The following ETV6 variants were observed in gnomAD, a reference collection of about 807,000 sequenced individuals.
ETV6 encodes the protein transcription factor ETV6.
A neutral mutation model predicts 51.1 loss-of-function variants in ETV6; 16 were observed. The ratio of observed to expected loss-of-function variants is 0.31; its 90% CI spans 0.21 to 0.48. ETV6 has a LOEUF of 0.48. Ranked by LOEUF, ETV6 falls within the 20% of genes least tolerant of loss-of-function variation. The probability of loss-of-function intolerance (pLI) is 0.99; values close to 1 mark genes in which losing one functional copy is unlikely to be tolerated. For missense variants in ETV6, 458 were observed against 594.8 expected, an observed-to-expected ratio of 0.77 and a Z score of 2.39; for synonymous variants, 240 against 224.1, an observed-to-expected ratio of 1.07 and a Z score of -0.64.
intron 4 of ETV6, among the ~76,000 whole-genome samples, chr12:11,858,676 G>A (rs1946668001): frequency 6.6e-6 from 1 of 152,172 alleles, no homozygotes; most frequent in Admixed American, 6.5e-5. Context: ...CCATCAAAGA[G>A]ATTATGGGGC....
At chr12:11,719,855 T>C (rs1031270074) in intron 1 of ETV6, among the ~76,000 whole-genome samples, 8 of 152,224 alleles carry the variant, frequency 5.3e-5, no homozygotes, top group African/African-American at 1.9e-4. Context: ...TTTCAGCCAC[T>C]TCCCTCACTG....
intron 1 of ETV6, among the ~76,000 whole-genome samples, chr12:11,704,742 T>C (rs1865041519): frequency 6.6e-6 from 1 of 152,172 alleles, no homozygotes; most frequent in Admixed American, 6.5e-5. Flanking sequence ...AATGGGTTGC[T>C]ATAGTGAGGT....
At chr12:11,794,970 C>T (rs955447063) in intron 2 of ETV6, among the ~76,000 whole-genome samples, 2 of 152,242 alleles carry the variant, frequency 1.3e-5, no homozygotes, top group Non-Finnish European at 2.9e-5. Flanking sequence ...TTGAACTGAC[C>T]GTAACAGCCT....
chr12:11,823,469 CT>C (rs756553588), intron 2 of ETV6, among the ~76,000 whole-genome samples: 26,831 of 137,242 alleles, frequency 0.2, 2,340 homozygotes, highest in Middle Eastern at 0.31. Flanking sequence ...TCCTTTTTTT[CT>C]TTTTTTTTTT....
At chr12:11,867,203 C>T (rs538254682) in intron 4 of ETV6, among the ~76,000 whole-genome samples, 13 of 152,262 alleles carry the variant, frequency 8.5e-5, no homozygotes, top group South Asian at 4.1e-4. Context: ...TAGTTTGGTA[C>T]ACGCCACTCT....
intron 1 of ETV6, among the ~76,000 whole-genome samples, chr12:11,672,009 A>G (rs1203175733): frequency 6.9e-6 from 1 of 145,216 alleles, no homozygotes; most frequent in Non-Finnish European, 1.5e-5. Flanking sequence ...TTTTTTTTTT[A>G]AGCTGAAAAT....
In ETV6 at chr12:11,893,469, A is replaced by C. The variant is rs1031710652; in HGVS notation, c.*2423A>C. ...TAGACTTAGGATGATACCTTCAGCC[A>C]CTTGAAGAAGAAATAGAAGGCGCTC... On this transcript the variant is annotated 3_prime_UTR_variant, in exon 8 of 8. Coordinates refer to ENST00000396373, the MANE Select transcript of ETV6 (RefSeq NM_001987.5). The C allele has an allele frequency of 4.3e-6, 1 of 231,766 alleles. No homozygotes were observed. Among genetic ancestry groups the C allele is most frequent in the Non-Finnish European group, 8.5e-6 (1 of 117,186 alleles). The allele number at this position is 231,766 out of a possible 1,614,324, so 14.4% of individuals were successfully genotyped here. A position where few individuals can be genotyped will look rare whatever the true frequency, so the allele number is the denominator to read the frequency against.
intron 2 of ETV6, among the ~76,000 whole-genome samples, chr12:11,794,839 A>G (rs1268334111): frequency 6.6e-6 from 1 of 152,150 alleles, no homozygotes; most frequent in Non-Finnish European, 1.5e-5. Flanking sequence ...GCATACATTT[A>G]TTTGTTTTCT....
intron 4 of ETV6, among the ~76,000 whole-genome samples, chr12:11,859,465 T>G (rs1369043846): frequency 6.6e-6 from 1 of 152,096 alleles, no homozygotes; most frequent in Non-Finnish European, 1.5e-5. Context: ...AATAACAAAA[T>G]AATAGCTAAC....
intron 1 of ETV6, among the ~76,000 whole-genome samples, chr12:11,743,208 T>C (rs964456789): frequency 5.3e-5 from 8 of 152,252 alleles, no homozygotes; most frequent in African/African-American, 1.9e-4. Context: ...TCATTTCTTT[T>C]ACGTTGCTTT....
At chr12:11,849,500 G>A (rs11054473) in intron 3 of ETV6, among the ~76,000 whole-genome samples, 9 of 152,164 alleles carry the variant, frequency 5.9e-5, no homozygotes, top group South Asian at 2.1e-4. Context: ...GCTGGGTGTC[G>A]AGGAATGAAG....
chr12:11,650,234 C>T, intron 1 of ETV6, 74 bp downstream of exon 1: 2 of 1,306,216 alleles, frequency 1.5e-6, no homozygotes, highest in Non-Finnish European at 2.2e-6. Context: ...GTGCTGGGCT[C>T]CTCAGAGCAG....
intron 1 of ETV6, among the ~76,000 whole-genome samples, chr12:11,736,557 G>T (rs1305127068): frequency 6.6e-6 from 1 of 152,184 alleles, no homozygotes; most frequent in Admixed American, 6.5e-5. Context: ...TTGAGGAATG[G>T]TGCTGCTTTT....
chr12:11,874,163 G>C (rs1946925555), intron 5 of ETV6, among the ~76,000 whole-genome samples: 1 of 131,878 alleles, frequency 7.6e-6, no homozygotes, highest in Non-Finnish European at 1.6e-5. Flanking sequence ...ATCACCTGAG[G>C]TCAGGATTTC....
intron 1 of ETV6, among the ~76,000 whole-genome samples, chr12:11,669,749 T>C (rs1245850432): frequency 2.6e-5 from 4 of 152,214 alleles, no homozygotes; most frequent in African/African-American, 9.7e-5. Flanking sequence ...CTCTTTTTCT[T>C]TATTAATATA....
chr12:11,704,737 G>C (rs868411950), intron 1 of ETV6, among the ~76,000 whole-genome samples: 1 of 152,070 alleles, frequency 6.6e-6, no homozygotes, highest in African/African-American at 2.4e-5. Context: ...AATAGAATGG[G>C]TTGCTATAGT....
intron 7 of ETV6, among the ~76,000 whole-genome samples, chr12:11,886,373 C>T (rs573438373): frequency 2.0e-5 from 3 of 152,104 alleles, no homozygotes; most frequent in South Asian, 2.1e-4. Context: ...AGGTTACCAT[C>T]GCTGTAAGGC....
chr12:11,699,639 T>C (rs2120830911), intron 1 of ETV6, among the ~76,000 whole-genome samples: 1 of 152,294 alleles, frequency 6.6e-6, no homozygotes, highest in African/African-American at 2.4e-5. Context: ...TTGTTGATTA[T>C]TGAGCTTTTT....
rs1418094235 is a variant in ETV6 at position 11,874,010 on chromosome 12, C to T, written c.1009+4041C>T. Among the ~76,000 whole-genome samples, 3 of 111,424 alleles carry T rather than the reference C, an allele frequency of 2.7e-5. 1 individual carries two copies. The highest frequency in any genetic ancestry group is 7.0e-5 in the African/African-American group (2 of 28,746). The allele number at this position is 111,424 out of a possible 152,430, so 73.1% of individuals were successfully genotyped here. A position where few individuals can be genotyped will look rare whatever the true frequency, so the allele number is the denominator to read the frequency against. ...ACCAGGAGCAAAGCAAGATAAGGCTCGGTGTATTTTTTCTATTTCAGGTAG... is the reference window on the plus strand; with the variant it reads ...ACCAGGAGCAAAGCAAGATAAGGCTTGGTGTATTTTTTCTATTTCAGGTAG... On this transcript the variant is annotated intron_variant, in intron 5 of 7. Coordinates refer to ENST00000396373, the MANE Select transcript of ETV6 (RefSeq NM_001987.5).
Sources: allele counts gnomAD v4.1 joint callset (sites outside exome capture counted in the v4.1 genomes callset), GRCh38; gene constraint gnomAD v4.1.1; transcripts MANE v1.5; gene names NCBI Gene and HGNC (gene_info 2026-07-23, HGNC 2026-07-21).